The following GRK5 variants were observed in gnomAD, a reference collection of about 807,000 sequenced individuals.
GRK5 encodes the protein G protein-coupled receptor kinase 5.
GRK5 carries 40 observed loss-of-function variants against 78.4 expected under a neutral mutation model. The ratio of observed to expected loss-of-function variants is 0.51; its 90% CI spans 0.40 to 0.66. The LOEUF is 0.66. Ranked by LOEUF, GRK5 falls within the 30% of genes least tolerant of loss-of-function variation. The pLI is 0.00. For synonymous variants in GRK5, 289 were observed against 296.8 expected, an observed-to-expected ratio of 0.97 and a Z score of 0.27; for missense variants, 598 against 759.9, an observed-to-expected ratio of 0.79 and a Z score of 2.50.
At chr10:119,219,404 T>C (rs186071089) in intron 1 of GRK5, among the ~76,000 whole-genome samples, 115 of 152,316 alleles carry the variant, frequency 7.6e-4, no homozygotes, top group African/African-American at 2.5e-3. Context: ...GATTTTAGAT[T>C]TTCAGATTTG....
At chr10:119,394,115 GGTGTGT>G (rs72240657) in intron 3 of GRK5, among the ~76,000 whole-genome samples, 44 of 132,744 alleles carry the variant, frequency 3.3e-4, no homozygotes, top group South Asian at 3.0e-3. Context: ...CTGTGTGGGG[GGTGTGT>G]GTGTGTGTGT....
At chr10:119,377,670 C>T (rs506657) in intron 2 of GRK5, among the ~76,000 whole-genome samples, 43,851 of 151,740 alleles carry the variant, frequency 0.29, 7,086 homozygotes, top group East Asian at 0.64. Context: ...GAGTTTATAA[C>T]GGCCTTGTTT....
intron 4 of GRK5, among the ~76,000 whole-genome samples, chr10:119,408,974 C>T (rs958135828): frequency 6.6e-6 from 1 of 152,158 alleles, no homozygotes; most frequent in Non-Finnish European, 1.5e-5. Context: ...TGAAAGTTAA[C>T]CAAAGACAAA....
At chr10:119,240,386 AG>A (rs2133739041) in intron 1 of GRK5, among the ~76,000 whole-genome samples, 1 of 151,600 alleles carries the variant, frequency 6.6e-6, no homozygotes, top group South Asian at 2.1e-4. Flanking sequence ...TATTTTTAGT[AG>A]AGACGGGGTT....
chr10:119,395,469 G>A (rs915811692), intron 3 of GRK5, among the ~76,000 whole-genome samples: 8 of 152,174 alleles, frequency 5.3e-5, no homozygotes, highest in Admixed American at 2.6e-4. Flanking sequence ...GGAGGAGTTC[G>A]GGTCCGTCTA....
intron 2 of GRK5, among the ~76,000 whole-genome samples, chr10:119,338,516 A>G (rs917510107): frequency 2.0e-5 from 3 of 152,206 alleles, no homozygotes; most frequent in Non-Finnish European, 4.4e-5. Context: ...ATAGTATCAA[A>G]AATGTTTTCC....
At position 119,209,487 on chromosome 10, in the gene GRK5, G is replaced by GTTTT. The variant is rs60169912; in HGVS notation, c.52+1542_52+1545dup. Among the ~76,000 whole-genome samples, 58 of 98,918 alleles carry GTTTT rather than the reference G, an allele frequency of 5.9e-4. 3 individuals carry two copies. The highest frequency in any genetic ancestry group is 1.6e-3 in the African/African-American group (43 of 27,126). The allele number at this position is 98,918 out of a possible 152,430, so 64.9% of individuals were successfully genotyped here. A position where few individuals can be genotyped will look rare whatever the true frequency, so the allele number is the denominator to read the frequency against. Reference sequence around the variant, plus strand: ...GGCCTGAGCTGTGTGTGTGTGTGTGGTTTTTTTTTTTTTTTTTTTTTTTTT... The same window carrying GTTTT: ...GGCCTGAGCTGTGTGTGTGTGTGTGGTTTTTTTTTTTTTTTTTTTTTTTTTTTTT... On this transcript the variant is annotated intron_variant, in intron 1 of 15. Coordinates refer to ENST00000392870, the MANE Select transcript of GRK5 (RefSeq NM_005308.3).
chr10:119,208,049 C>A, intron 1 of GRK5, 80 bp downstream of exon 1: 1 of 1,395,564 alleles, frequency 7.2e-7, no homozygotes, highest in Non-Finnish European at 9.8e-7. Context: ...CGGGCTGGGG[C>A]TGCGCCCGTG....
chr10:119,269,080 G>A (rs939725218), intron 1 of GRK5, among the ~76,000 whole-genome samples: 5 of 152,214 alleles, frequency 3.3e-5, no homozygotes, highest in African/African-American at 1.2e-4. Context: ...CTGGCTGACT[G>A]GAACTCTCTT....
intron 1 of GRK5, among the ~76,000 whole-genome samples, chr10:119,290,371 C>CAAAACAAAACAAAAAAAAAAAA (rs1564878623): frequency 2.0e-5 from 2 of 98,204 alleles, no homozygotes; most frequent in African/African-American, 8.0e-5. Flanking sequence ...AAACAAAAAA[C>CAAAACAAAACAAAAAAAAAAAA]AACTCTGTCC....
Position 119,327,892 on chromosome 10 carries a change from G to T in GRK5, c.148+1281G>T, listed in dbSNP as rs76280321. 1.5e-3 allele frequency among the ~76,000 whole-genome samples: 234 copies of T among 152,352 alleles called. 1 individual carries two copies. The highest frequency in any genetic ancestry group is 5.5e-3 in the African/African-American group (229 of 41,594). On this transcript the variant is annotated intron_variant, in intron 2 of 15. Coordinates refer to ENST00000392870, the MANE Select transcript of GRK5 (RefSeq NM_005308.3). ...CCAGGCACATCAGAATCCCCATGGT[G>T]TTCTCGGGCCGAGAATGCTGCTGGC...
chr10:119,436,975 A>G, intron 9 of GRK5, 134 bp downstream of exon 9: 1 of 843,614 alleles, frequency 1.2e-6, no homozygotes, highest in South Asian at 1.9e-5. Context: ...ATGCAGAGTC[A>G]GACAGACTTT....
chr10:119,359,816 T>G (rs955056406), intron 2 of GRK5, among the ~76,000 whole-genome samples: 5 of 151,906 alleles, frequency 3.3e-5, no homozygotes, highest in African/African-American at 9.7e-5. Flanking sequence ...GGAGTGACAG[T>G]GATGTTCCCG....
At chr10:119,407,096 A>G (rs911389775) in intron 4 of GRK5, among the ~76,000 whole-genome samples, 3 of 152,182 alleles carry the variant, frequency 2.0e-5, no homozygotes, top group Non-Finnish European at 4.4e-5. Flanking sequence ...AGATAAAAAG[A>G]TCTGTGGTTG....
intron 4 of GRK5, 137 bp downstream of exon 4, chr10:119,396,909 C>G (rs555620388): frequency 2.3e-5 from 17 of 729,560 alleles, no homozygotes; most frequent in Non-Finnish European, 3.6e-5. Context: ...CCTGAGATCA[C>G]AGTTCCCATC....
intron 10 of GRK5, among the ~76,000 whole-genome samples, chr10:119,441,219 C>G (rs1329270422): frequency 6.6e-6 from 1 of 152,186 alleles, no homozygotes; most frequent in East Asian, 1.9e-4. Flanking sequence ...ACTGTCAGCC[C>G]CCACCGAGCC....
intron 1 of GRK5, among the ~76,000 whole-genome samples, chr10:119,284,929 T>C (rs1849822007): frequency 6.6e-6 from 1 of 152,234 alleles, no homozygotes; most frequent in African/African-American, 2.4e-5. Context: ...CATCCTGGGC[T>C]GCCTGGAGGA....
intron 2 of GRK5, among the ~76,000 whole-genome samples, chr10:119,330,919 G>A (rs1177940216): frequency 6.6e-6 from 1 of 152,184 alleles, no homozygotes; most frequent in Non-Finnish European, 1.5e-5. Context: ...TACTCAGGAG[G>A]CTGAGGCAGG....
At chr10:119,265,863 C>T (rs190426803) in intron 1 of GRK5, among the ~76,000 whole-genome samples, 29 of 152,346 alleles carry the variant, frequency 1.9e-4, no homozygotes, top group Middle Eastern at 3.4e-3. Context: ...TGCCAGGAGA[C>T]CTCTATGGCT....
Sources: allele counts gnomAD v4.1 joint callset (sites outside exome capture counted in the v4.1 genomes callset), GRCh38; gene constraint gnomAD v4.1.1; transcripts MANE v1.5; gene names NCBI Gene and HGNC (gene_info 2026-07-23, HGNC 2026-07-21).